The following ALMS1 variants were observed in gnomAD, a reference collection of about 807,000 sequenced individuals.
ALMS1 encodes ALMS1 centrosome and basal body associated protein, also known as centrosome-associated protein ALMS1.
ALMS1 carries 271 observed loss-of-function variants against 352.2 expected under a neutral mutation model. The ratio of observed to expected loss-of-function variants is 0.77; its 90% CI spans 0.70 to 0.85. ALMS1 has a LOEUF of 0.85. Among genes scored for constraint, ALMS1 ranks in the 40% least tolerant of loss-of-function variants. The pLI is 0.00. For missense variants in ALMS1, 5,445 were observed against 4,870.7 expected (o/e 1.12, Z -3.51); for synonymous variants, 1,865 against 1,761.2 (o/e 1.06, Z -1.48).
chr2:73,489,931 A>G lies in ALMS1; in HGVS notation c.7972A>G (p.Ile2658Val). Residue 2658 changes from isoleucine to valine, a missense_variant, in exon 10 of 23, where the codon ATA becomes GTA. Transcript: ENST00000613296. The part of the protein sequence containing the change: ...LKSHSPFQNF[I>V]PDEFKISKGL... The stretch of plus-strand genomic sequence containing the variant: ...AAGTCATTCCCCATTTCAGAACTTT[A>G]TACCTGATGAATTCAAAATCAGCAA... The G allele has an allele frequency of 6.2e-7, 1 of 1,614,226 alleles. No homozygotes were observed. The highest frequency in any genetic ancestry group is 1.1e-5 in the South Asian group (1 of 91,084).
intron 9 of ALMS1, among the ~76,000 whole-genome samples, chr2:73,482,915 G>T (rs1216205080): frequency 6.6e-6 from 1 of 152,026 alleles, no homozygotes; most frequent in Non-Finnish European, 1.5e-5. Flanking sequence ...CTGTGGGATC[G>T]GTGGTGATAT....
intron 2 of ALMS1, among the ~76,000 whole-genome samples, chr2:73,418,044 A>G (rs1671212831): frequency 6.6e-6 from 1 of 152,200 alleles, no homozygotes; most frequent in Non-Finnish European, 1.5e-5. Context: ...AGACCTAGAA[A>G]TCAAACATTT....
At chr2:73,500,150 A>T (rs1673190471) in intron 10 of ALMS1, among the ~76,000 whole-genome samples, 1 of 152,196 alleles carries the variant, frequency 6.6e-6, no homozygotes, top group Non-Finnish European at 1.5e-5. Context: ...TTTCATAATG[A>T]CGTGTTATGA....
chr2:73,493,059 A>T (rs759369321), intron 10 of ALMS1, among the ~76,000 whole-genome samples: 1 of 152,184 alleles, frequency 6.6e-6, no homozygotes, highest in South Asian at 2.1e-4. Flanking sequence ...AAGGTATTGT[A>T]CTGAATACCT....
intron 3 of ALMS1, among the ~76,000 whole-genome samples, chr2:73,422,389 A>G (rs1001489929): frequency 1.3e-5 from 2 of 152,108 alleles, no homozygotes; most frequent in African/African-American, 4.8e-5. Flanking sequence ...GGTACCCCCT[A>G]AGAGTGTCTT....
intron 16 of ALMS1, among the ~76,000 whole-genome samples, chr2:73,591,629 G>A (rs889589349): frequency 2.6e-5 from 4 of 152,280 alleles, no homozygotes; most frequent in Admixed American, 6.5e-5. Context: ...GATCATCCAA[G>A]TGAAAATATC....
chr2:73,426,562 C>T lies in ALMS1; in HGVS notation c.1338+9C>T. 2 of 1,611,884 alleles carry T rather than the reference C, an allele frequency of 1.2e-6. No individual in the cohort carries two copies. The highest frequency in any genetic ancestry group is 2.7e-5 in the African/African-American group (2 of 74,988). On this transcript the variant is annotated intron_variant, in intron 6 of 22. Coordinates refer to ENST00000613296, the MANE Select transcript of ALMS1 (RefSeq NM_001378454.1). ...CTGAACTACAAAGAAAGGTGAGACA[C>T]AATAAAATGATAGTTGTAAGAAACG...
intron 2 of ALMS1, among the ~76,000 whole-genome samples, chr2:73,411,551 T>A (rs556479862): frequency 6.6e-6 from 1 of 152,284 alleles, no homozygotes; most frequent in South Asian, 2.1e-4. Context: ...TTTTCCTGTT[T>A]CACACAATAC....
chr2:73,557,435 A>G (rs901294327), intron 14 of ALMS1, 81 bp downstream of exon 14: 135 of 1,570,554 alleles, frequency 8.6e-5, no homozygotes, highest in Admixed American at 3.4e-4. Flanking sequence ...AGAAACAGAA[A>G]TATATTCTCT....
intron 10 of ALMS1, among the ~76,000 whole-genome samples, chr2:73,514,656 T>G (rs1192488057): frequency 1.3e-5 from 2 of 152,222 alleles, no homozygotes; most frequent in African/African-American, 4.8e-5. Context: ...ACACATCCTT[T>G]AAGTGTTCTG....
chr2:73,486,100 T>C (rs368908547), intron 9 of ALMS1, among the ~76,000 whole-genome samples: 1 of 151,924 alleles, frequency 6.6e-6, no homozygotes, highest in East Asian at 1.9e-4. Context: ...CTCCTGTCCC[T>C]CTTTTGCCCA....
At chr2:73,597,437 A>C (rs986259933) in intron 16 of ALMS1, among the ~76,000 whole-genome samples, 2 of 152,194 alleles carry the variant, frequency 1.3e-5, no homozygotes, top group Non-Finnish European at 2.9e-5. Context: ...ATAAATAAAA[A>C]AGCAAACACC....
intron 16 of ALMS1, among the ~76,000 whole-genome samples, chr2:73,578,264 G>T (rs1675095559): frequency 6.6e-6 from 1 of 152,042 alleles, no homozygotes; most frequent in South Asian, 2.1e-4. Context: ...CTAACTCTTT[G>T]TGTCTTTGGA....
chr2:73,388,141 T>G (rs1670576207), intron 1 of ALMS1, among the ~76,000 whole-genome samples: 1 of 152,246 alleles, frequency 6.6e-6, no homozygotes, highest in South Asian at 2.1e-4. Flanking sequence ...GTCATTTACA[T>G]AGAGACCATA....
At chr2:73,546,005 T>C (rs1674309904) in intron 12 of ALMS1, among the ~76,000 whole-genome samples, 1 of 152,200 alleles carries the variant, frequency 6.6e-6, no homozygotes, top group Non-Finnish European at 1.5e-5. Context: ...CTTCATCAGG[T>C]GCTCAGATTC....
chr2:73,452,754 C>T lies in ALMS1; in HGVS notation c.6227C>T (p.Ala2076Val). 1 of 1,613,302 alleles carries T rather than the reference C, an allele frequency of 6.2e-7. No homozygotes were observed. Residue 2076 changes from alanine to valine, a missense_variant, in exon 8 of 23, where the codon GCT becomes GTT. Ala to Val is a moderately conservative substitution (Grantham distance 64). Transcript: ENST00000613296. ...AGTAAAGGTATTCTAAAGATTTCAG[C>T]TGTCCCTGAACTAACTGATGTGAAT... ...DQSKGILKIS[A>V]VPELTDVNTG...
intron 9 of ALMS1, among the ~76,000 whole-genome samples, chr2:73,460,573 G>T (rs1672169034): frequency 6.6e-6 from 1 of 152,156 alleles, no homozygotes; most frequent in Non-Finnish European, 1.5e-5. Context: ...TCTCACTAGG[G>T]AGTGCCAGAC....
chr2:73,608,595 G>C (rs368169620), intron 22 of ALMS1, 21 bp downstream of exon 22: 18 of 1,568,838 alleles, frequency 1.1e-5, no homozygotes, highest in Non-Finnish European at 1.6e-5. Flanking sequence ...CCTCTGTCTA[G>C]AGTGGGATGG....
At position 73,432,211 on chromosome 2, in the gene ALMS1, C is replaced by A. The variant is rs540547127; in HGVS notation, c.1352C>A (p.Ser451Ter). 1.9e-6 allele frequency: 3 copies of A among 1,612,466 alleles called. No individual in the cohort carries two copies. The African/African-American group carries it at 4.0e-5, about 22-fold the overall frequency. Residue 451 changes from serine to a stop codon, truncating the protein, a stop_gained, in exon 7 of 23, where the codon TCG (serine) becomes TAG (stop). Coordinates refer to ENST00000613296, the MANE Select transcript of ALMS1 (RefSeq NM_001378454.1). LOFTEE classifies it high-confidence loss of function. ...GTTCCACATAAGCCAACAAGAGAGT[C>A]GGAATATCACTCTTCAGATCTCAGA... ...AELQRKPTRE[S>*]EYHSSDLRML...
Sources: gnomAD v4.1 joint callset for allele counts (sites outside exome capture counted in the v4.1 genomes callset) on GRCh38, gnomAD v4.1.1 for gene constraint, MANE v1.5 for transcripts, NCBI Gene and HGNC (gene_info 2026-07-23, HGNC 2026-07-21) for gene names.